PCDH15: variants seen among roughly 807,000 people sequenced by gnomAD.
The protein encoded by PCDH15 is protocadherin-15.
Under a neutral mutation model 178.5 loss-of-function variants are expected in PCDH15, and 129 were observed. That is an observed-to-expected ratio of 0.72 (90% CI 0.63 to 0.84). The LOEUF is 0.84. Ranked by LOEUF, PCDH15 falls within the 40% of genes least tolerant of loss-of-function variation. The pLI is 0.00. For missense variants in PCDH15, 2,230 were observed against 2,099.9 expected, an observed-to-expected ratio of 1.06 and a Z score of -1.21; for synonymous variants, 800 against 732.0, an observed-to-expected ratio of 1.09 and a Z score of -1.50.
At chr10:55,287,697 T>C (rs1842906401) in intron 1 of PCDH15, among the ~76,000 whole-genome samples, 1 of 151,904 alleles carries the variant, frequency 6.6e-6, no homozygotes, top group Admixed American at 6.6e-5. Context: ...GTGTGTGTTT[T>C]AATTTTCTTT....
At chr10:54,868,205 T>C (rs1311740288) in intron 3 of PCDH15, among the ~76,000 whole-genome samples, 1 of 152,166 alleles carries the variant, frequency 6.6e-6, no homozygotes, top group African/African-American at 2.4e-5. Context: ...AATGGCTGTC[T>C]TCATCCATGT....
intron 21 of PCDH15, among the ~76,000 whole-genome samples, chr10:53,993,679 T>C (rs1004377757): frequency 6.6e-6 from 1 of 152,150 alleles, no homozygotes; most frequent in African/African-American, 2.4e-5. Context: ...TTATGTAATA[T>C]AGTAATTTCA....
At chr10:55,519,283 T>G (rs1366432262) in intron 2 of PCDH15, among the ~76,000 whole-genome samples, 2 of 57,324 alleles carry the variant, frequency 3.5e-5, no homozygotes, top group African/African-American at 1.2e-4. Flanking sequence ...TTATGCTGAG[T>G]GTAAAAAAAA....
chr10:54,462,512 C>CT (rs562731025), intron 3 of PCDH15, among the ~76,000 whole-genome samples: 1,975 of 66,870 alleles, frequency 0.03, 103 homozygotes, highest in Non-Finnish European at 0.038. Context: ...TTTTTCTTTT[C>CT]TTTTTTTTTT....
intron 2 of PCDH15, among the ~76,000 whole-genome samples, chr10:55,530,245 GA>G (rs1387561640): frequency 6.6e-6 from 1 of 151,880 alleles, no homozygotes; most frequent in African/African-American, 2.4e-5. Context: ...GTATGAGCAA[GA>G]ACCCTCATCC....
chr10:53,838,687 A>C (rs2077453865), intron 29 of PCDH15, among the ~76,000 whole-genome samples: 1 of 152,222 alleles, frequency 6.6e-6, no homozygotes, highest in Non-Finnish European at 1.5e-5. Context: ...TTTTCTGACA[A>C]TCGAAAGAAT....
At chr10:54,028,029 T>C (rs1165119342) in intron 18 of PCDH15, among the ~76,000 whole-genome samples, 14 of 150,952 alleles carry the variant, frequency 9.3e-5, no homozygotes, top group African/African-American at 2.9e-4. Flanking sequence ...AGAAAATTTT[T>C]GCAACCTACT....
chr10:53,839,328 G>A (rs1264322668), intron 29 of PCDH15, among the ~76,000 whole-genome samples: 2 of 151,012 alleles, frequency 1.3e-5, no homozygotes, highest in African/African-American at 4.9e-5. Context: ...AAATTTTGTC[G>A]ATGAACACAT....
intron 2 of PCDH15, among the ~76,000 whole-genome samples, chr10:55,462,956 G>A (rs7068668): frequency 0.77 from 116,344 of 151,966 alleles, 45,893 homozygotes; most frequent in East Asian, 0.99. Context: ...GTGTATAAAT[G>A]TTTTATGTAT....
At chr10:54,507,021 A>C (rs1205389521) in intron 3 of PCDH15, among the ~76,000 whole-genome samples, 1 of 151,974 alleles carries the variant, frequency 6.6e-6, no homozygotes, top group Non-Finnish European at 1.5e-5. Flanking sequence ...TTTTCTTAAT[A>C]ACAACACAAT....
chr10:54,046,602 A>T (rs768710352), intron 18 of PCDH15, among the ~76,000 whole-genome samples: 4 of 114,400 alleles, frequency 3.5e-5, no homozygotes, highest in Non-Finnish European at 7.7e-5. Context: ...GCTTACTTAG[A>T]TGGTAAATGT....
At chr10:54,831,774 C>T (rs997423247) in intron 3 of PCDH15, among the ~76,000 whole-genome samples, 5 of 151,822 alleles carry the variant, frequency 3.3e-5, no homozygotes, top group African/African-American at 1.2e-4. Flanking sequence ...AGAGATTTTA[C>T]TACCAAAAAA....
intron 3 of PCDH15, among the ~76,000 whole-genome samples, chr10:54,385,955 T>G (rs1387936894): frequency 6.6e-6 from 1 of 152,128 alleles, no homozygotes; most frequent in Non-Finnish European, 1.5e-5. Context: ...ATTGATTCCT[T>G]TGTGTTTTAT....
At chr10:54,602,556 A>G (rs529441652) in intron 2 of PCDH15, among the ~76,000 whole-genome samples, 1 of 152,038 alleles carries the variant, frequency 6.6e-6, no homozygotes, top group Non-Finnish European at 1.5e-5. Flanking sequence ...TTTAGAGGAG[A>G]GGCTTTTGGG....
chr10:54,022,113 G>A (rs1345263859), intron 19 of PCDH15, among the ~76,000 whole-genome samples: 1 of 150,880 alleles, frequency 6.6e-6, no homozygotes, highest in African/African-American at 2.5e-5. Flanking sequence ...GTGGAAAAAT[G>A]GCTACTTTTT....
At chr10:54,130,701 A>G (rs1032488701) in intron 15 of PCDH15, among the ~76,000 whole-genome samples, 7 of 152,224 alleles carry the variant, frequency 4.6e-5, no homozygotes, top group Admixed American at 2.6e-4. Context: ...GTTTGAAGCC[A>G]ATTTGCTGCT....
intron 26 of PCDH15, among the ~76,000 whole-genome samples, chr10:53,881,745 G>A (rs6481043): frequency 0.66 from 100,559 of 151,884 alleles, 34,043 homozygotes; most frequent in East Asian, 0.88. Flanking sequence ...CCCTTGCGAT[G>A]TTTTGATGTG....
chr10:54,171,283 T>C (rs530791266), intron 13 of PCDH15, among the ~76,000 whole-genome samples: 255 of 152,272 alleles, frequency 1.7e-3, no homozygotes, highest in African/African-American at 5.5e-3. Context: ...AAAGGTCTTT[T>C]AAAAATACAC....
chr10:54,217,337 ACC>A (rs2052208559), intron 9 of PCDH15, among the ~76,000 whole-genome samples: 1 of 152,168 alleles, frequency 6.6e-6, no homozygotes, highest in South Asian at 2.1e-4. Context: ...CTGACATCAC[ACC>A]CACAGTGTAA....
Sources: gnomAD v4.1 joint callset for allele counts (sites outside exome capture counted in the v4.1 genomes callset) on GRCh38, gnomAD v4.1.1 for gene constraint, MANE v1.5 for transcripts, NCBI Gene and HGNC (gene_info 2026-07-23, HGNC 2026-07-21) for gene names.